Variants in NIPSNAP1 observed in about 807,000 individuals in gnomAD.
NIPSNAP1 encodes nipsnap homolog 1.
In NIPSNAP1, 25 loss-of-function variants were observed where a neutral mutation model predicts 49.2. That is an observed-to-expected ratio of 0.51 (90% CI 0.37 to 0.71). NIPSNAP1 has a LOEUF of 0.71. Among genes scored for constraint, NIPSNAP1 ranks in the 30% least tolerant of loss-of-function variants. The pLI is 0.00. For synonymous variants in NIPSNAP1, 143 were observed against 140.7 expected (o/e 1.02, Z -0.12); for missense variants, 294 against 361.0 (o/e 0.81, Z 1.50).
intron 1 of NIPSNAP1, among the ~76,000 whole-genome samples, chr22:29,576,172 C>T (rs927560180): frequency 3.3e-5 from 5 of 150,860 alleles, no homozygotes; most frequent in Admixed American, 6.6e-5. Flanking sequence ...GTGCGTGCTA[C>T]CACACCCGGC....
Position 29,561,627 on chromosome 22 carries a change from C to T in NIPSNAP1, c.458G>A (p.Arg153Lys), listed in dbSNP as rs1035815628. 5 of 1,613,936 alleles carry T rather than the reference C, an allele frequency of 3.1e-6. No homozygotes were observed. The African/African-American group carries it at 5.3e-5, about 17-fold the overall frequency. The change falls in exon 6 of 10, where the codon AGG becomes AAG. Residue 153 changes from arginine (R) to lysine (K), a missense_variant. Physicochemically the swap from Arg to Lys is conservative, Grantham distance 26 (BLOSUM62 2). This residue lies in a region of NIPSNAP1 where 146 missense variants were observed against 219.9 expected (regional missense o/e 0.66). Coordinates refer to ENST00000216121, the MANE Select transcript of NIPSNAP1 (RefSeq NM_003634.4). ...KNNKEYLEFRRERSQMLLSRR... is the reference protein window; with the variant it reads ...KNNKEYLEFRKERSQMLLSRR... ...GGACAGCAGCATCTGGCTCCGCTCC[C>T]TTCGGAACTCCAGGTACTCCTGTGG...
rs2064485634 is a variant in NIPSNAP1 at position 29,580,046 on chromosome 22, G to A, written c.98+939C>T. ...TTCATTCCTGGGCTGCAGGGCAGGA[G>A]GGATGGTTGCTTCCTTTTCACAGGT... On this transcript the variant is annotated intron_variant, in intron 1 of 9. Transcript: ENST00000216121. 4.7e-6 allele frequency: 6 copies of A among 1,282,676 alleles called. No individual in the cohort carries two copies. The South Asian group carries it at 7.4e-5, about 16-fold the overall frequency. The allele number at this position is 1,282,676 out of a possible 1,614,324, so 79.5% of individuals were successfully genotyped here.
rs1016560285 is a variant in NIPSNAP1 at position 29,564,056 on chromosome 22, A to G, written c.368-2194T>C. Among the ~76,000 whole-genome samples the G allele has an allele frequency of 5.3e-4, 80 of 152,144 alleles. 1 individual carries two copies. The highest frequency in any genetic ancestry group is 3.2e-3 in the Middle Eastern group (1 of 316). On this transcript the variant is annotated intron_variant, in intron 4 of 9. Transcript: ENST00000216121. ...TAATTCCTAGTAACAAAGAAACCTA[A>G]TTAATTGTGGAGGAGAAGAAAGGAA...
At chr22:29,568,512 G>T (rs373021092) in intron 4 of NIPSNAP1, among the ~76,000 whole-genome samples, 2 of 149,414 alleles carry the variant, frequency 1.3e-5, no homozygotes, top group Non-Finnish European at 3.0e-5. Context: ...AAAAAAAAAG[G>T]CCGGGTGCGG....
chr22:29,566,073 C>T (rs2064366243), intron 4 of NIPSNAP1, among the ~76,000 whole-genome samples: 2 of 152,060 alleles, frequency 1.3e-5, no homozygotes, highest in African/African-American at 4.8e-5. Context: ...GTACTTTCTG[C>T]ATGAGCCTGT....
chr22:29,566,359 G>A (rs913191944), intron 4 of NIPSNAP1, among the ~76,000 whole-genome samples: 6 of 151,900 alleles, frequency 3.9e-5, no homozygotes, highest in African/African-American at 1.2e-4. Context: ...CCAGGCTGGA[G>A]TGCAGTGGCT....
rs1413825541 is a variant in NIPSNAP1 at position 29,570,073 on chromosome 22, A to C, written c.272+89T>G. ...TACATCTCCTGGATTTCTACAGAAA[A>C]GAACAGGGTGGAGGATGTTCCGCAA... On this transcript the variant is annotated intron_variant, in intron 3 of 9. Coordinates refer to ENST00000216121, the MANE Select transcript of NIPSNAP1 (RefSeq NM_003634.4). 8.9e-6 allele frequency: 9 copies of C among 1,007,944 alleles called. No homozygotes were observed. The East Asian group carries it at 2.1e-4, about 24-fold the overall frequency. 62.4% of individuals were successfully genotyped at this position (1,007,944 alleles called of 1,614,324 possible). A position where few individuals can be genotyped will look rare whatever the true frequency, so the allele number is the denominator to read the frequency against.
intron 4 of NIPSNAP1, among the ~76,000 whole-genome samples, chr22:29,566,891 A>T (rs2064371795): frequency 6.6e-6 from 1 of 152,140 alleles, no homozygotes; most frequent in South Asian, 2.1e-4. Flanking sequence ...TGGGAGGCTC[A>T]GGCGGGAGGA....
chr22:29,558,788 A>G (rs2064313640), intron 9 of NIPSNAP1, 82 bp downstream of exon 9: 2 of 1,062,050 alleles, frequency 1.9e-6, no homozygotes. Flanking sequence ...GGAGGTAATC[A>G]AGAAAGACTA....
chr22:29,569,586 T>C (rs111443575), intron 3 of NIPSNAP1, among the ~76,000 whole-genome samples: 1 of 151,490 alleles, frequency 6.6e-6, no homozygotes, highest in Non-Finnish European at 1.5e-5. Context: ...CTTTTTTGTG[T>C]GTGAGACAGA....
rs1166092080 is a variant in NIPSNAP1, at chr22:29,558,782, G to A, written c.790+88C>T. ...AAAAGTGAGTTCCCCATCACTGGAG[G>A]TAATCAAGAAAGACTAGATCTCCTT... On this transcript the variant is annotated intron_variant, in intron 9 of 9. Coordinates refer to ENST00000216121, the MANE Select transcript of NIPSNAP1 (RefSeq NM_003634.4). 1.4e-5 allele frequency: 14 copies of A among 978,328 alleles called. No homozygotes were observed. In the African/African-American group the frequency reaches 1.7e-4, roughly 12 times the overall value. 60.6% of individuals were successfully genotyped at this position (978,328 alleles called of 1,614,324 possible). A position where few individuals can be genotyped will look rare whatever the true frequency, so the allele number is the denominator to read the frequency against.
At chr22:29,564,062 TGTG>T (rs2064353803) in intron 4 of NIPSNAP1, among the ~76,000 whole-genome samples, 2 of 152,018 alleles carry the variant, frequency 1.3e-5, no homozygotes, top group Admixed American at 1.3e-4. Flanking sequence ...CCTAATTAAT[TGTG>T]GAGGAGAAGA....
At chr22:29,571,285 G>C (rs1601494391) in intron 1 of NIPSNAP1, among the ~76,000 whole-genome samples, 2 of 152,298 alleles carry the variant, frequency 1.3e-5, no homozygotes, top group South Asian at 4.1e-4. Context: ...TACAGAGGAG[G>C]AGATGAGCTG....
In NIPSNAP1 at chr22:29,555,816, C is replaced by T; in HGVS notation, c.*119G>A. On this transcript the variant is annotated 3_prime_UTR_variant, in exon 10 of 10. Coordinates refer to ENST00000216121, the MANE Select transcript of NIPSNAP1 (RefSeq NM_003634.4). The stretch of plus-strand genomic sequence containing the variant: ...TCAGTTCCCCCTTGTCTGAACTGAG[C>T]ACTGCCCCTCAGAGTCCTCCCAGAG... 1.2e-6 allele frequency: 1 copy of T among 862,824 alleles called. No homozygotes were observed. The highest frequency in any genetic ancestry group is 2.0e-5 in the Admixed American group (1 of 49,958). 53.4% of individuals were successfully genotyped at this position (862,824 alleles called of 1,614,324 possible). A position where few individuals can be genotyped will look rare whatever the true frequency, so the allele number is the denominator to read the frequency against.
In NIPSNAP1 at chr22:29,569,107, G is replaced by C; in HGVS notation, c.367+86C>G. 5 of 1,010,684 alleles carry C rather than the reference G, an allele frequency of 4.9e-6. 1 individual carries two copies. In the South Asian group the frequency reaches 6.7e-5, roughly 14 times the overall value. The allele number at this position is 1,010,684 out of a possible 1,614,324, so 62.6% of individuals were successfully genotyped here. ...GAGCCCCACCAGGTGCTGTTGTGGA[G>C]AGGGAGTGGAGAACAGCCAGGTGTG... On this transcript the variant is annotated intron_variant, in intron 4 of 9. Coordinates refer to ENST00000216121, the MANE Select transcript of NIPSNAP1 (RefSeq NM_003634.4).
At chr22:29,570,365 CCT>C (rs766923618) in intron 2 of NIPSNAP1, 38 bp downstream of exon 2, 1 of 1,613,800 alleles carries the variant, frequency 6.2e-7, no homozygotes, top group East Asian at 2.2e-5. Context: ...CCCCAGAGCC[CCT>C]GAAAGGGCAG....
intron 4 of NIPSNAP1, among the ~76,000 whole-genome samples, chr22:29,562,969 G>A (rs182820011): frequency 2.0e-5 from 3 of 151,296 alleles, no homozygotes; most frequent in Non-Finnish European, 4.4e-5. Context: ...CGTGGTGGCG[G>A]GCACCTATAG....
chr22:29,571,923 G>A (rs1014869152), intron 1 of NIPSNAP1, among the ~76,000 whole-genome samples: 2 of 151,758 alleles, frequency 1.3e-5, no homozygotes, highest in Admixed American at 6.6e-5. Context: ...TTACAGGCGC[G>A]TACCACCACA....
rs1461361720 is a variant in NIPSNAP1, at chr22:29,558,915, C to T, written c.745G>A (p.Ala249Thr). The change falls in exon 9 of 10, where the codon GCT becomes ACT. Residue 249 changes from alanine to threonine, a missense_variant. Coordinates refer to ENST00000216121, the MANE Select transcript of NIPSNAP1 (RefSeq NM_003634.4). ...TCCCAGCCTCTCTTCCTCCAGGCAG[C>T]GTTTCGAGTCTCCTCCCGAGACTGC... ...DLQSREETRN[A>T]AWRKRGWDEN... 3 of 1,613,824 alleles carry T rather than the reference C, an allele frequency of 1.9e-6. No homozygotes were observed. Among genetic ancestry groups the T allele is most frequent in the African/African-American group, 1.3e-5 (1 of 74,902 alleles).
Sources: allele counts gnomAD v4.1 joint callset (sites outside exome capture counted in the v4.1 genomes callset), GRCh38; gene constraint gnomAD v4.1.1; regional missense constraint gnomAD v4.1.1; transcripts MANE v1.5; gene names NCBI Gene and HGNC (gene_info 2026-07-23, HGNC 2026-07-21).